Variants in ATP9B observed in about 807,000 individuals in gnomAD.
ATP9B encodes the protein ATPase phospholipid transporting 9B.
ATP9B carries 110 observed loss-of-function variants against 146.1 expected under a neutral mutation model. The observed-to-expected ratio is 0.75, with a 90% CI of 0.65 to 0.88. ATP9B has a LOEUF of 0.88. Ranked by LOEUF, ATP9B falls within the 40% of genes least tolerant of loss-of-function variation. The pLI is 0.00. For missense variants in ATP9B, 1,499 were observed against 1,496.4 expected (o/e 1.00, Z -0.03); for synonymous variants, 604 against 569.7 (o/e 1.06, Z -0.86).
At chr18:79,164,857 G>C (rs2094940945) in intron 7 of ATP9B, among the ~76,000 whole-genome samples, 1 of 152,178 alleles carries the variant, frequency 6.6e-6, no homozygotes. Context: ...TAGAGTAAGA[G>C]ACCACAAGAA....
intron 2 of ATP9B, among the ~76,000 whole-genome samples, chr18:79,098,244 A>C (rs2074973820): frequency 6.6e-6 from 1 of 152,042 alleles, no homozygotes; most frequent in African/African-American, 2.4e-5. Flanking sequence ...AGATGGATTA[A>C]AGATTTAAAC....
At chr18:79,171,878 GT>G (rs144146479) in intron 7 of ATP9B, among the ~76,000 whole-genome samples, 2 of 146,632 alleles carry the variant, frequency 1.4e-5, no homozygotes, top group African/African-American at 2.5e-5. Context: ...TCGGAGACTC[GT>G]TTTTTTTTGT....
intron 6 of ATP9B, 76 bp downstream of exon 6, chr18:79,143,936 G>C: frequency 1.2e-6 from 1 of 831,086 alleles, no homozygotes; most frequent in Non-Finnish European, 1.8e-6. Context: ...AGTAACTTCT[G>C]AATTTGAAAG....
intron 5 of ATP9B, among the ~76,000 whole-genome samples, chr18:79,134,571 G>A (rs2094425187): frequency 1.3e-5 from 2 of 152,246 alleles, no homozygotes; most frequent in Non-Finnish European, 2.9e-5. Context: ...TCTAAGGCCA[G>A]GGGGCTGCCC....
chr18:79,115,593 A>G (rs1441956623), intron 4 of ATP9B: 1 of 122,198 alleles, frequency 8.2e-6, no homozygotes, highest in Non-Finnish European at 1.7e-5. Flanking sequence ...ATGGAACAGA[A>G]GAGAGCCCTC....
intron 7 of ATP9B, among the ~76,000 whole-genome samples, chr18:79,170,349 G>A (rs897150098): frequency 5.9e-5 from 9 of 152,192 alleles, no homozygotes; most frequent in African/African-American, 2.2e-4. Context: ...AAGAACAATT[G>A]AGATGAGTCT....
chr18:79,366,263 C>T (rs540134454), intron 26 of ATP9B, among the ~76,000 whole-genome samples: 2 of 152,264 alleles, frequency 1.3e-5, no homozygotes, highest in South Asian at 2.1e-4. Context: ...GACACCTGAC[C>T]GTGCCTCTCT....
intron 1 of ATP9B, among the ~76,000 whole-genome samples, chr18:79,080,709 G>A (rs967653700): frequency 6.6e-6 from 1 of 152,160 alleles, no homozygotes; most frequent in Non-Finnish European, 1.5e-5. Flanking sequence ...GGTTTTCAAA[G>A]GGAATGCTTC....
chr18:79,313,562 A>G (rs1395654774), intron 15 of ATP9B, among the ~76,000 whole-genome samples: 11 of 152,254 alleles, frequency 7.2e-5, no homozygotes, highest in Non-Finnish European at 1.3e-4. Context: ...GAAGTTTTAA[A>G]AATACTGTAT....
At position 79,347,968 on chromosome 18, in the gene ATP9B, A is replaced by G. The variant is rs113413215; in HGVS notation, c.2838+43A>G. 2.1e-4 allele frequency: 336 copies of G among 1,605,220 alleles called. 1 individual carries two copies. The highest frequency in any genetic ancestry group is 5.5e-4 in the Admixed American group (33 of 59,612). ...CTGGCACCCATGGAGGGCAGGGTCCAGGAAGGGCAGGGTCCGGGAAGGGCA... is the reference window on the plus strand; with the variant it reads ...CTGGCACCCATGGAGGGCAGGGTCCGGGAAGGGCAGGGTCCGGGAAGGGCA... On this transcript the variant is annotated intron_variant, in intron 24 of 29. Transcript: ENST00000426216.
chr18:79,372,010 TCAAA>T lies in ATP9B; in HGVS notation c.3013-810_3013-807del, dbSNP rs895210978. On this transcript the variant is annotated intron_variant, in intron 26 of 29. Coordinates refer to ENST00000426216, the MANE Select transcript of ATP9B (RefSeq NM_198531.5). ...AACTGAGAAAATAGATGCGAAGGTG[TCAAA>T]CAAAGGCCTCACATAAAGACAGGGC... Among the ~76,000 whole-genome samples, 6 of 152,320 alleles carry T rather than the reference TCAAA, an allele frequency of 3.9e-5. 1 individual carries two copies. The highest frequency in any genetic ancestry group is 3.9e-4 in the Admixed American group (6 of 15,292).
At chr18:79,254,134 A>T (rs867835016) in intron 12 of ATP9B, 14 of 152,312 alleles carry the variant, frequency 9.2e-5, no homozygotes, top group South Asian at 2.1e-4. Context: ...AGATATTCTT[A>T]ATATATATGA....
intron 11 of ATP9B, among the ~76,000 whole-genome samples, chr18:79,243,283 T>A (rs1223317775): frequency 1.3e-5 from 2 of 152,224 alleles, no homozygotes; most frequent in Non-Finnish European, 2.9e-5. Context: ...TATCCTCATG[T>A]TTTTAATATA....
chr18:79,298,755 C>G (rs772913540), intron 13 of ATP9B, among the ~76,000 whole-genome samples: 2 of 146,302 alleles, frequency 1.4e-5, no homozygotes, highest in Non-Finnish European at 3.0e-5. Context: ...AGAAGTTGGC[C>G]TTGCACCAAA....
At chr18:79,200,295 G>A (rs528480253) in intron 9 of ATP9B, among the ~76,000 whole-genome samples, 4 of 152,302 alleles carry the variant, frequency 2.6e-5, no homozygotes, top group South Asian at 2.1e-4. Flanking sequence ...TGTTGTACAC[G>A]ATTGTACCTG....
chr18:79,308,681 G>C (rs1410129778), intron 15 of ATP9B, among the ~76,000 whole-genome samples: 6 of 116,232 alleles, frequency 5.2e-5, no homozygotes, highest in Admixed American at 1.8e-4. Context: ...GGGTGGTGGA[G>C]TGATCCCCAG....
At chr18:79,128,879 C>T (rs2094331820) in intron 5 of ATP9B, among the ~76,000 whole-genome samples, 2 of 152,162 alleles carry the variant, frequency 1.3e-5, no homozygotes, top group Admixed American at 1.3e-4. Flanking sequence ...TTGCTGCATC[C>T]AGAGAAAGTC....
At position 79,231,778 on chromosome 18, in the gene ATP9B, G is replaced by GTATA. The variant is rs781387419; in HGVS notation, c.1107+17763_1107+17766dup. 1.0e-3 allele frequency among the ~76,000 whole-genome samples: 126 copies of GTATA among 121,290 alleles called. 1 individual carries two copies. Among genetic ancestry groups the GTATA allele is most frequent in the African/African-American group, 3.9e-3 (119 of 30,274 alleles). The allele number at this position is 121,290 out of a possible 152,430, so 79.6% of individuals were successfully genotyped here. A position where few individuals can be genotyped will look rare whatever the true frequency, so the allele number is the denominator to read the frequency against. Reference sequence around the variant, plus strand: ...GTAGATAAAGAAAATGTGTGTGTGTGTATATATATATATATATATATATAT... The same window carrying GTATA: ...GTAGATAAAGAAAATGTGTGTGTGTGTATATATATATATATATATATATATATAT... On this transcript the variant is annotated intron_variant, in intron 11 of 29. Transcript: ENST00000426216.
intron 25 of ATP9B, among the ~76,000 whole-genome samples, chr18:79,348,817 A>C (rs1222920897): frequency 6.6e-6 from 1 of 152,228 alleles, no homozygotes; most frequent in African/African-American, 2.4e-5. Context: ...CCCTGTCTCT[A>C]CTAAAAATAC....
Sources: gnomAD v4.1 joint callset for allele counts (sites outside exome capture counted in the v4.1 genomes callset) on GRCh38, gnomAD v4.1.1 for gene constraint, MANE v1.5 for transcripts, NCBI Gene and HGNC (gene_info 2026-07-23, HGNC 2026-07-21) for gene names.